PARP4: variants seen among roughly 807,000 people sequenced by gnomAD.
PARP4 encodes protein mono-ADP-ribosyltransferase PARP4.
A neutral mutation model predicts 187.7 loss-of-function variants in PARP4; 120 were observed. That is an observed-to-expected ratio of 0.64 (90% CI 0.55 to 0.74). The LOEUF (loss-of-function observed/expected upper bound fraction) is 0.74. Among genes scored for constraint, PARP4 ranks in the 30% least tolerant of loss-of-function variants. The pLI, the probability that PARP4 is intolerant of heterozygous loss-of-function variation, is 0.00. For missense variants in PARP4, 1,836 were observed against 2,070.5 expected, an observed-to-expected ratio of 0.89 and a Z score of 2.20; for synonymous variants, 654 against 740.9, an observed-to-expected ratio of 0.88 and a Z score of 1.90.
chr13:24,438,717 G>A (rs1255054911), intron 30 of PARP4, among the ~76,000 whole-genome samples: 4 of 152,206 alleles, frequency 2.6e-5, no homozygotes, highest in Non-Finnish European at 1.5e-5. Context: ...TCCTGAGCAC[G>A]TCCCAGCAGA....
intron 33 of PARP4, among the ~76,000 whole-genome samples, chr13:24,424,946 G>A (rs1869948185): frequency 1.3e-5 from 2 of 151,532 alleles, no homozygotes; most frequent in South Asian, 4.2e-4. Context: ...GCCTCCCAAA[G>A]TGCTGGGATT....
chr13:24,437,909 CCTT>C (rs368214832), intron 30 of PARP4, among the ~76,000 whole-genome samples: 241 of 150,268 alleles, frequency 1.6e-3, no homozygotes, highest in African/African-American at 5.7e-3. Flanking sequence ...TTATAAAACT[CCTT>C]CTTGAATAGT....
At chr13:24,427,814 G>T (rs1179483461) in intron 32 of PARP4, among the ~76,000 whole-genome samples, 1 of 152,070 alleles carries the variant, frequency 6.6e-6, no homozygotes, top group Non-Finnish European at 1.5e-5. Context: ...AAAATCAGTG[G>T]AGACAAAAGC....
chr13:24,449,618 C>T (rs1437775934), intron 25 of PARP4, 100 bp downstream of exon 25: 6 of 689,438 alleles, frequency 8.7e-6, no homozygotes, highest in Non-Finnish European at 1.5e-5. Context: ...TTTACGGCTC[C>T]CCTCTCATTC....
chr13:24,421,123 C>G lies in PARP4; in HGVS notation c.5171G>C (p.Gly1724Ala), dbSNP rs1476996203. The change falls in exon 34 of 34, where the codon GGC (glycine) becomes GCC (alanine). Residue 1724 changes from glycine (G) to alanine (A), a missense_variant. Physicochemically the swap from Gly to Ala is moderately conservative, Grantham distance 60. Around this residue, in one of 8 missense-constraint regions of PARP4, gnomAD observed 29 missense variants for 81.3 expected, o/e 0.36. Coordinates refer to ENST00000381989, the MANE Select transcript of PARP4 (RefSeq NM_006437.4). ...PLHRVLHYSQ[G>A] is the part of the protein sequence containing the mutation. ...TAAAATTCAGTTTCATTTGACTTAG[C>G]CTTGACTGTAATGGAGGACTCTATG... The G allele has an allele frequency of 4.3e-6, 6 of 1,411,528 alleles. No individual in the cohort carries two copies. Among genetic ancestry groups the G allele is most frequent in the Non-Finnish European group, 5.7e-6 (6 of 1,056,934 alleles). The allele number at this position is 1,411,528 out of a possible 1,614,324, so 87.4% of individuals were successfully genotyped here. A position where few individuals can be genotyped will look rare whatever the true frequency, so the allele number is the denominator to read the frequency against.
At chr13:24,478,424 C>G in intron 12 of PARP4, 148 bp from the exon 13 acceptor site, 1 of 485,962 alleles carries the variant, frequency 2.1e-6, no homozygotes, top group Non-Finnish European at 3.5e-6. Context: ...TTATTATGCA[C>G]TTATTTATTT....
chr13:24,490,700 C>T lies in PARP4; in HGVS notation c.1182G>A (p.Arg394=), dbSNP rs181208168. 5.3e-5 allele frequency: 85 copies of T among 1,613,748 alleles called. No homozygotes were observed. Among genetic ancestry groups the T allele is most frequent in the Admixed American group, 2.8e-4 (17 of 59,982 alleles). Residue 394 remains arginine (R), a synonymous_variant, in exon 10 of 34, where the codon AGG becomes AGA. Transcript: ENST00000381989. ...GATTCTGCAAAACCTCTTTTCTAAC[C>T]CTGAGAAATTCTTCAGTATTCTGTT... ...HVEQNTEEFL[R]VRKEVLQNHH...
chr13:24,511,664 G>A (rs1276939542), intron 1 of PARP4, among the ~76,000 whole-genome samples: 1 of 152,158 alleles, frequency 6.6e-6, no homozygotes, highest in Admixed American at 6.5e-5. Flanking sequence ...GTCCCTTTCT[G>A]GGCAGTCTTG....
intron 32 of PARP4, 77 bp from the exon 33 acceptor site, chr13:24,426,675 A>G (rs561572591): frequency 1.3e-4 from 161 of 1,235,938 alleles, no homozygotes; most frequent in Non-Finnish European, 1.8e-4. Flanking sequence ...AATTCTCATT[A>G]AAGAATTACA....
intron 2 of PARP4, among the ~76,000 whole-genome samples, chr13:24,502,437 TC>T (rs1869353037): frequency 6.6e-6 from 1 of 152,230 alleles, no homozygotes; most frequent in South Asian, 2.1e-4. Flanking sequence ...TGTCCCCAGT[TC>T]CTCTCTGCAG....
intron 14 of PARP4, among the ~76,000 whole-genome samples, chr13:24,476,550 C>T (rs965584460): frequency 1.3e-5 from 2 of 152,166 alleles, no homozygotes; most frequent in African/African-American, 2.4e-5. Flanking sequence ...GAAAAATGTA[C>T]ACATCCTATT....
intron 24 of PARP4, among the ~76,000 whole-genome samples, chr13:24,451,560 G>A (rs1261352991): frequency 6.6e-6 from 1 of 152,146 alleles, no homozygotes; most frequent in Non-Finnish European, 1.5e-5. Flanking sequence ...GCGAGTCCAG[G>A]TCAAGGCTCA....
intron 30 of PARP4, among the ~76,000 whole-genome samples, chr13:24,440,384 C>A (rs1339402271): frequency 3.3e-5 from 4 of 122,410 alleles, no homozygotes; most frequent in Non-Finnish European, 4.8e-5. Flanking sequence ...GGCGACAGAG[C>A]GAGACTCTAT....
At chr13:24,473,317 A>C (rs1343465090) in intron 15 of PARP4, among the ~76,000 whole-genome samples, 2 of 152,220 alleles carry the variant, frequency 1.3e-5, no homozygotes, top group Non-Finnish European at 2.9e-5. Context: ...TCTGGGAAGA[A>C]AGTGCTTTGA....
At chr13:24,495,527 C>A (rs1330340797) in intron 6 of PARP4, among the ~76,000 whole-genome samples, 1 of 152,214 alleles carries the variant, frequency 6.6e-6, no homozygotes, top group African/African-American at 2.4e-5. Flanking sequence ...CCTCCCTCAT[C>A]CCAAACTGCC....
At chr13:24,433,255 C>T (rs1870441007) in intron 31 of PARP4, among the ~76,000 whole-genome samples, 2 of 152,186 alleles carry the variant, frequency 1.3e-5, no homozygotes, top group Non-Finnish European at 2.9e-5. Context: ...CTTTTGACCT[C>T]CACATTCTCA....
At chr13:24,464,594 T>A (rs944073415) in intron 17 of PARP4, among the ~76,000 whole-genome samples, 2 of 152,158 alleles carry the variant, frequency 1.3e-5, no homozygotes, top group Admixed American at 1.3e-4. Flanking sequence ...TGGCTAGCCA[T>A]ATGCAGAAAA....
At chr13:24,449,316 A>T (rs1436408387) in intron 25 of PARP4, among the ~76,000 whole-genome samples, 1 of 144,632 alleles carries the variant, frequency 6.9e-6, no homozygotes, top group Admixed American at 7.3e-5. Flanking sequence ...TGAACCCGGG[A>T]GGCAGAGCTT....
intron 32 of PARP4, among the ~76,000 whole-genome samples, chr13:24,426,891 C>CAAAA (rs5802279): frequency 1.7e-4 from 16 of 93,586 alleles, no homozygotes; most frequent in Admixed American, 1.3e-4. Flanking sequence ...GACTCTGTCT[C>CAAAA]AAAAAAAAAA....
Sources: allele counts gnomAD v4.1 joint callset (sites outside exome capture counted in the v4.1 genomes callset), GRCh38; gene constraint gnomAD v4.1.1; regional missense constraint gnomAD v4.1.1; transcripts MANE v1.5; gene names NCBI Gene and HGNC (gene_info 2026-07-23, HGNC 2026-07-21).